Variants in BMP10 observed in about 807,000 individuals in gnomAD.
The protein encoded by BMP10 is bone morphogenetic protein 10.
Under a neutral mutation model 29.9 loss-of-function variants are expected in BMP10, and 9 were observed. The ratio of observed to expected loss-of-function variants is 0.30; its 90% CI spans 0.18 to 0.53. The LOEUF is 0.53. BMP10 is among the 20% of genes least tolerant of loss of function. The pLI, the probability that BMP10 is intolerant of heterozygous loss-of-function variation, is 0.96. For synonymous variants in BMP10, 202 were observed against 200.2 expected (o/e 1.01, Z -0.07); for missense variants, 474 against 524.3 (o/e 0.90, Z 0.94).
At position 68,866,542 on chromosome 2, in the gene BMP10, C is replaced by T. The variant is rs747565077; in HGVS notation, c.364G>A (p.Gly122Arg). The stretch of plus-strand genomic sequence containing the variant: ...AAGAGGAGGGGGTATTTTCGGAGCC[C>T]ATTAAAACTGACCGGCTGGGAAAAC... Reference protein sequence around the residue: ...DLFSQPVSFNGLRKYPLLFNV... With the variant: ...DLFSQPVSFNRLRKYPLLFNV... The change falls in exon 2 of 2, where the codon GGG (glycine) becomes AGG (arginine). Residue 122 changes from glycine (G) to arginine (R), a missense_variant. By Grantham distance (125) the Gly-to-Arg change is moderately radical. This residue lies in a region of BMP10 where 408 missense variants were observed against 415.3 expected (regional missense o/e 0.98). Coordinates refer to ENST00000295379, the MANE Select transcript of BMP10 (RefSeq NM_014482.3). 1.2e-6 allele frequency: 2 copies of T among 1,611,562 alleles called. No homozygotes were observed. The highest frequency in any genetic ancestry group is 4.5e-5 in the East Asian group (2 of 44,836).
In BMP10 at chr2:68,871,025, C is replaced by T. The variant is rs773085930; in HGVS notation, c.334G>A (p.Asp112Asn). ...ANIIRSFKNEDLFSQPVSFNG... is the reference protein window; with the variant it reads ...ANIIRSFKNENLFSQPVSFNG... ...CAAAATTTCATCAGCAAAAACTTACCTTCATTCTTGAAACTCCTAATGATG... is the reference window on the plus strand; with the variant it reads ...CAAAATTTCATCAGCAAAAACTTACTTTCATTCTTGAAACTCCTAATGATG... Residue 112 changes from aspartate to asparagine, a missense_variant and splice_region_variant, in exon 1 of 2, where the codon GAT becomes AAT. Physicochemically the swap from Asp to Asn is conservative, Grantham distance 23. Coordinates refer to ENST00000295379, the MANE Select transcript of BMP10 (RefSeq NM_014482.3). 1.9e-6 allele frequency: 3 copies of T among 1,604,346 alleles called. No individual in the cohort carries two copies. Among genetic ancestry groups the T allele is most frequent in the East Asian group, 2.2e-5 (1 of 44,620 alleles).
At position 68,866,536 on chromosome 2, in the gene BMP10, G is replaced by A. The variant is rs1156928265; in HGVS notation, c.370C>T (p.Arg124Ter). 3.1e-6 allele frequency: 5 copies of A among 1,613,288 alleles called. No individual in the cohort carries two copies. The highest frequency in any genetic ancestry group is 1.7e-5 in the Admixed American group (1 of 59,948). Residue 124 changes from arginine to a stop codon, truncating the protein, a stop_gained, in exon 2 of 2, where the codon CGA (arginine) becomes TGA (stop). Coordinates refer to ENST00000295379, the MANE Select transcript of BMP10 (RefSeq NM_014482.3). LOFTEE classifies it high-confidence loss of function. ...FSQPVSFNGL[R>*]KYPLLFNVSI... ...ACATTGAAGAGGAGGGGGTATTTTCGGAGCCCATTAAAACTGACCGGCTGG... is the reference window on the plus strand; with the variant it reads ...ACATTGAAGAGGAGGGGGTATTTTCAGAGCCCATTAAAACTGACCGGCTGG...
intron 1 of BMP10, among the ~76,000 whole-genome samples, chr2:68,867,972 T>C (rs1052250776): frequency 6.6e-6 from 1 of 152,222 alleles, no homozygotes; most frequent in Non-Finnish European, 1.5e-5. Flanking sequence ...AATAGCTTTC[T>C]TTGGGTACCA....
chr2:68,865,344 A>ACACATAC lies in BMP10; in HGVS notation c.*286_*287insGTATGTG. 2.4e-6 allele frequency: 1 copy of ACACATAC among 416,828 alleles called. No homozygotes were observed. The highest frequency in any genetic ancestry group is 4.0e-5 in the South Asian group (1 of 24,836). The allele number at this position is 416,828 out of a possible 1,614,324, so 25.8% of individuals were successfully genotyped here. A position where few individuals can be genotyped will look rare whatever the true frequency, so the allele number is the denominator to read the frequency against. Reference sequence around the variant, plus strand: ...ATTTTTGTAAGTTCATGTATGTACAAATATACATACACAAGTGTGTGTCTT... The same window carrying ACACATAC: ...ATTTTTGTAAGTTCATGTATGTACAACACATACATATACATACACAAGTGTGTGTCTT... On this transcript the variant is annotated 3_prime_UTR_variant, in exon 2 of 2. Coordinates refer to ENST00000295379, the MANE Select transcript of BMP10 (RefSeq NM_014482.3). This position sits in a 1 kb window ranked among gnomAD's most constrained non-coding sequence, Gnocchi z 4.7.
In BMP10 at chr2:68,865,811, T is replaced by C. The variant is rs957406242; in HGVS notation, c.1095A>G (p.Thr365=). ...VCNYPLAEHL[T]PTKHAIIQAL... is the part of the protein sequence containing the mutation. Reference sequence around the variant, plus strand: ...CCTGGATAATTGCATGCTTTGTGGGTGTGAGATGCTCTGCCAGGGGGTAGT... The same window carrying C: ...CCTGGATAATTGCATGCTTTGTGGGCGTGAGATGCTCTGCCAGGGGGTAGT... The change falls in exon 2 of 2, where the codon ACA becomes ACG. Residue 365 remains threonine, a synonymous_variant. Transcript: ENST00000295379. The surrounding 1 kb of genome is among the most constrained non-coding windows in gnomAD (Gnocchi z 4.7). 5 of 1,613,954 alleles carry C rather than the reference T, an allele frequency of 3.1e-6. No individual in the cohort carries two copies. In the African/African-American group the frequency reaches 6.7e-5, roughly 22 times the overall value.
In BMP10 at chr2:68,863,883, A is replaced by G. The variant is rs1057439812; in HGVS notation, c.*1748T>C. ...TAAGGAAGCATTCCTTAAGATGAGT[A>G]GGGGTGAATGGGGGATGACGTACTG... On this transcript the variant is annotated 3_prime_UTR_variant, in exon 2 of 2. Transcript: ENST00000295379. 6.6e-6 allele frequency among the ~76,000 whole-genome samples: 1 copy of G among 152,184 alleles called. No homozygotes were observed. The highest frequency in any genetic ancestry group is 1.5e-5 in the Non-Finnish European group (1 of 68,014).
intron 1 of BMP10, among the ~76,000 whole-genome samples, chr2:68,868,859 G>A (rs1251847332): frequency 6.6e-6 from 1 of 152,180 alleles, no homozygotes; most frequent in Non-Finnish European, 1.5e-5. Context: ...TTCAATGAAT[G>A]TTACATATGT....
chr2:68,865,798 C>T lies in BMP10; in HGVS notation c.1108G>A (p.Ala370Thr). 6.2e-7 allele frequency: 1 copy of T among 1,614,114 alleles called. No individual in the cohort carries two copies. The highest frequency in any genetic ancestry group is 8.5e-7 in the Non-Finnish European group (1 of 1,179,994). Residue 370 changes from alanine (A) to threonine (T), a missense_variant, in exon 2 of 2, where the codon GCA becomes ACA. Around this residue, in one of 2 missense-constraint regions of BMP10, gnomAD observed 66 missense variants for 109.0 expected, o/e 0.61. Transcript: ENST00000295379. This position sits in a 1 kb window ranked among gnomAD's most constrained non-coding sequence, Gnocchi z 4.7. ...LAEHLTPTKH[A>T]IIQALVHLKN... is the part of the protein sequence containing the mutation. The stretch of plus-strand genomic sequence containing the variant: ...AGGTGGACCAAGGCCTGGATAATTG[C>T]ATGCTTTGTGGGTGTGAGATGCTCT...
rs917899809 is a variant in BMP10 at position 68,870,220 on chromosome 2, T to G, written c.334+805A>C. Among the ~76,000 whole-genome samples, 17 of 152,036 alleles carry G rather than the reference T, an allele frequency of 1.1e-4. No homozygotes were observed. In the Middle Eastern group the frequency reaches 0.014, roughly 123 times the overall value. On this transcript the variant is annotated intron_variant, in intron 1 of 1. Coordinates refer to ENST00000295379, the MANE Select transcript of BMP10 (RefSeq NM_014482.3). ...ACTATAGATATCTAGATATCAGGGG[T>G]TTTTTTTCCTACTAGGACCATATTA...
Position 68,871,085 on chromosome 2 carries a change from A to C in BMP10, c.274T>G (p.Phe92Val), listed in dbSNP as rs1278446623. The stretch of plus-strand genomic sequence containing the variant: ...GGCATGGAGGTCCGATCTGTTGCAA[A>C]TTTGTTGTAGAGTTCCAACATGTAC... ...PEYMLELYNKFATDRTSMPSA... is the reference protein window; with the variant it reads ...PEYMLELYNKVATDRTSMPSA... Residue 92 changes from phenylalanine to valine, a missense_variant, in exon 1 of 2, where the codon TTT becomes GTT. Physicochemically the swap from Phe to Val is conservative, Grantham distance 50 (BLOSUM62 -1). This residue lies in a region of BMP10 where 408 missense variants were observed against 415.3 expected (regional missense o/e 0.98). Transcript: ENST00000295379. 1.2e-6 allele frequency: 2 copies of C among 1,614,094 alleles called. No individual in the cohort carries two copies. The highest frequency in any genetic ancestry group is 4.5e-5 in the East Asian group (2 of 44,892).
chr2:68,871,092 G>A lies in BMP10; in HGVS notation c.267C>T (p.Tyr89=). 4 of 1,614,130 alleles carry A rather than the reference G, an allele frequency of 2.5e-6. No individual in the cohort carries two copies. Among genetic ancestry groups the A allele is most frequent in the African/African-American group, 2.7e-5 (2 of 75,050 alleles). The part of the protein sequence containing the change: ...VDPPEYMLEL[Y]NKFATDRTSM... Reference sequence around the variant, plus strand: ...AGGTCCGATCTGTTGCAAATTTGTTGTAGAGTTCCAACATGTACTCTGGTG... The same window carrying A: ...AGGTCCGATCTGTTGCAAATTTGTTATAGAGTTCCAACATGTACTCTGGTG... The change falls in exon 1 of 2, where the codon TAC becomes TAT. Residue 89 remains tyrosine, a synonymous_variant. Coordinates refer to ENST00000295379, the MANE Select transcript of BMP10 (RefSeq NM_014482.3).
At chr2:68,869,379 T>A (rs926936160) in intron 1 of BMP10, among the ~76,000 whole-genome samples, 17 of 152,186 alleles carry the variant, frequency 1.1e-4, no homozygotes, top group Non-Finnish European at 2.4e-4. Context: ...ACAGGGCATG[T>A]CCTGTGCGAT....
chr2:68,867,463 A>T (rs1022240037), intron 1 of BMP10, among the ~76,000 whole-genome samples: 17 of 152,154 alleles, frequency 1.1e-4, no homozygotes, highest in African/African-American at 4.1e-4. Context: ...TACCCCTAGC[A>T]CCTGGCATGG....
In BMP10 at chr2:68,866,334, A is replaced by G; in HGVS notation, c.572T>C (p.Ile191Thr). Residue 191 changes from isoleucine to threonine, a missense_variant, in exon 2 of 2, where the codon ATA becomes ACA. By Grantham distance (89) the Ile-to-Thr change is moderately conservative. This residue lies in a region of BMP10 where 408 missense variants were observed against 415.3 expected (regional missense o/e 0.98). Transcript: ENST00000295379. Reference sequence around the variant, plus strand: ...CTCCCACTCACTGTTGGTTCCATATATCTCCCCAGACACCAAGACCAGCAT... The same window carrying G: ...CTCCCACTCACTGTTGGTTCCATATGTCTCCCCAGACACCAAGACCAGCAT... ...RNMLVLVSGE[I>T]YGTNSEWETF... 8 of 1,613,928 alleles carry G rather than the reference A, an allele frequency of 5.0e-6. No individual in the cohort carries two copies. The highest frequency in any genetic ancestry group is 6.8e-6 in the Non-Finnish European group (8 of 1,179,946).
rs1214392617 is a variant in BMP10 at position 68,862,290 on chromosome 2, G to A, written c.*3341C>T. Among the ~76,000 whole-genome samples, 2 of 152,112 alleles carry A rather than the reference G, an allele frequency of 1.3e-5. No homozygotes were observed. Among genetic ancestry groups the A allele is most frequent in the Non-Finnish European group, 2.9e-5 (2 of 68,028 alleles). On this transcript the variant is annotated 3_prime_UTR_variant, in exon 2 of 2. Coordinates refer to ENST00000295379, the MANE Select transcript of BMP10 (RefSeq NM_014482.3). ...ACAAAATTATGGCAAGCTATGGCAAGATTCCTTAAACCAATAGAATATTCT... is the reference window on the plus strand; with the variant it reads ...ACAAAATTATGGCAAGCTATGGCAAAATTCCTTAAACCAATAGAATATTCT...
Position 68,865,800 on chromosome 2 carries a change from T to G in BMP10, c.1106A>C (p.His369Pro). The G allele has an allele frequency of 6.2e-7, 1 of 1,614,138 alleles. No individual in the cohort carries two copies. The highest frequency in any genetic ancestry group is 8.5e-7 in the Non-Finnish European group (1 of 1,179,986). Residue 369 changes from histidine (H) to proline (P), a missense_variant, in exon 2 of 2, where the codon CAT becomes CCT. Transcript: ENST00000295379. This position sits in a 1 kb window ranked among gnomAD's most constrained non-coding sequence, Gnocchi z 4.7. ...GTGGACCAAGGCCTGGATAATTGCATGCTTTGTGGGTGTGAGATGCTCTGC... is the reference window on the plus strand; with the variant it reads ...GTGGACCAAGGCCTGGATAATTGCAGGCTTTGTGGGTGTGAGATGCTCTGC... Reference protein sequence around the residue: ...PLAEHLTPTKHAIIQALVHLK... With the variant: ...PLAEHLTPTKPAIIQALVHLK...
rs1158544922 is a variant in BMP10, at chr2:68,862,576, C to T, written c.*3055G>A. Among the ~76,000 whole-genome samples the T allele has an allele frequency of 3.3e-5, 5 of 152,112 alleles. No individual in the cohort carries two copies. The South Asian group carries it at 8.3e-4, about 25-fold the overall frequency. ...AAGAGTTGTTTAGCTATATCAACTTCGGTGATGATAATTCTGCAATAAAAG... is the reference window on the plus strand; with the variant it reads ...AAGAGTTGTTTAGCTATATCAACTTTGGTGATGATAATTCTGCAATAAAAG... On this transcript the variant is annotated 3_prime_UTR_variant, in exon 2 of 2. Coordinates refer to ENST00000295379, the MANE Select transcript of BMP10 (RefSeq NM_014482.3).
chr2:68,869,425 C>T (rs1024181040), intron 1 of BMP10, among the ~76,000 whole-genome samples: 12 of 152,188 alleles, frequency 7.9e-5, no homozygotes, highest in African/African-American at 2.9e-4. Context: ...TGCAGACTGG[C>T]AGAGGTGCTG....
intron 1 of BMP10, 68 bp downstream of exon 1, chr2:68,870,957 A>G: frequency 1.5e-6 from 2 of 1,350,438 alleles, no homozygotes; most frequent in African/African-American, 2.9e-5. Context: ...TATCATTCCC[A>G]TGCATTGTAA....
Sources: gnomAD v4.1 joint callset for allele counts (sites outside exome capture counted in the v4.1 genomes callset) on GRCh38, gnomAD v4.1.1 for gene constraint, gnomAD v4.1.1 regional missense constraint, Gnocchi (gnomAD v3.1) non-coding constraint, MANE v1.5 for transcripts, NCBI Gene and HGNC (gene_info 2026-07-23, HGNC 2026-07-21) for gene names.